ZMYM2: variants seen among roughly 807,000 people sequenced by gnomAD.
ZMYM2 encodes zinc finger MYM-type containing 2, also known as zinc finger MYM-type protein 2.
Under a neutral mutation model 162.8 loss-of-function variants are expected in ZMYM2, and 56 were observed. That is an observed-to-expected ratio of 0.34 (90% CI 0.28 to 0.43). The LOEUF is 0.43. Ranked by LOEUF, ZMYM2 falls within the 20% of genes least tolerant of loss-of-function variation. ZMYM2 has a pLI of 1.00. For synonymous variants in ZMYM2, 510 were observed against 541.6 expected (o/e 0.94, Z 0.81); for missense variants, 1,275 against 1,621.8 (o/e 0.79, Z 3.67).
chr13:20,046,171 G>C (rs1279565946), intron 12 of ZMYM2, among the ~76,000 whole-genome samples: 1 of 151,908 alleles, frequency 6.6e-6, no homozygotes, highest in Non-Finnish European at 1.5e-5. Context: ...AGAATTGCTT[G>C]AGCCCAGGAG....
At chr13:19,892,155 C>T in the ZMYM2 span, among the ~76,000 whole-genome samples, 29 of 151,932 alleles carry the variant, frequency 1.9e-4, no homozygotes, top group East Asian at 3.9e-4. Flanking sequence ...GTTTCCCAGG[C>T]GGGTCTCAAA....
the ZMYM2 span, among the ~76,000 whole-genome samples, chr13:19,905,184 TG>T: frequency 6.6e-6 from 1 of 152,162 alleles, no homozygotes; most frequent in East Asian, 1.9e-4. Context: ...AGTTAATTTT[TG>T]TATTTTTAGT....
At chr13:19,902,592 G>C in the ZMYM2 span, among the ~76,000 whole-genome samples, 4 of 151,906 alleles carry the variant, frequency 2.6e-5, no homozygotes, top group Non-Finnish European at 5.9e-5. Flanking sequence ...CTCCAGCCTG[G>C]GCAACAAGAG....
intron 12 of ZMYM2, among the ~76,000 whole-genome samples, chr13:20,051,177 TTTAG>T (rs1955291251): frequency 6.6e-6 from 1 of 151,694 alleles, no homozygotes; most frequent in Non-Finnish European, 1.5e-5. Context: ...CCAATATATA[TTTAG>T]TTATCCTACT....
chr13:20,066,412 A>G (rs1046456893), intron 19 of ZMYM2, among the ~76,000 whole-genome samples: 1 of 152,162 alleles, frequency 6.6e-6, no homozygotes, highest in African/African-American at 2.4e-5. Context: ...TAAAAAGCTA[A>G]CTACTAGTAG....
At chr13:20,010,671 C>A (rs1357783385) in intron 6 of ZMYM2, among the ~76,000 whole-genome samples, 2 of 151,898 alleles carry the variant, frequency 1.3e-5, no homozygotes, top group Non-Finnish European at 2.9e-5. Context: ...GATGGAGTCT[C>A]CCTCTGTTGC....
chr13:20,076,077 A>T (rs1957486584), intron 21 of ZMYM2, among the ~76,000 whole-genome samples: 1 of 150,124 alleles, frequency 6.7e-6, no homozygotes, highest in East Asian at 1.9e-4. Context: ...GATGAAAGAG[A>T]TAGTTTTGTC....
intron 2 of ZMYM2, among the ~76,000 whole-genome samples, chr13:19,977,926 G>A: frequency 6.7e-6 from 1 of 148,920 alleles, no homozygotes; most frequent in Non-Finnish European, 1.5e-5. Context: ...GCCCAGGCTG[G>A]AGTGCAGTGG....
chr13:19,996,761 C>G (rs536325263), intron 3 of ZMYM2, among the ~76,000 whole-genome samples: 70 of 152,256 alleles, frequency 4.6e-4, no homozygotes, highest in African/African-American at 1.7e-3. Flanking sequence ...TGGTGCACAC[C>G]TGTAGCCTCA....
At chr13:19,911,123 C>T in the ZMYM2 span, among the ~76,000 whole-genome samples, 1 of 138,172 alleles carries the variant, frequency 7.2e-6, no homozygotes, top group Non-Finnish European at 1.5e-5. Context: ...GTGGTGGGAT[C>T]TCGGCTCACT....
chr13:19,885,940 T>TACACAC, the ZMYM2 span, among the ~76,000 whole-genome samples: 6 of 122,842 alleles, frequency 4.9e-5, 1 homozygote, highest in Non-Finnish European at 6.4e-5. Context: ...TATACACATA[T>TACACAC]ATATGTATAT....
upstream of ZMYM2, chr13:19,958,590 A>AG (rs557596595): frequency 3.3e-3 from 505 of 150,820 alleles, 4 homozygotes; most frequent in African/African-American, 0.011. Flanking sequence ...CACCCTACCG[A>AG]GGGGGGGCCC....
chr13:19,934,527 T>G, the ZMYM2 span, among the ~76,000 whole-genome samples: 1 of 152,194 alleles, frequency 6.6e-6, no homozygotes, highest in Non-Finnish European at 1.5e-5. Flanking sequence ...ACAAGCTTGT[T>G]AGCATGTCTG....
At chr13:19,948,653 G>T in the ZMYM2 span, among the ~76,000 whole-genome samples, 3 of 152,060 alleles carry the variant, frequency 2.0e-5, no homozygotes, top group African/African-American at 7.2e-5. Context: ...TAAAACCAAG[G>T]GTAAACTCTA....
the ZMYM2 span, among the ~76,000 whole-genome samples, chr13:19,877,222 A>C: frequency 4.0e-5 from 6 of 151,364 alleles, no homozygotes; most frequent in Non-Finnish European, 5.9e-5. Context: ...AAAAAAAAAA[A>C]AAAAAACAAA....
chr13:20,064,716 A>G (rs533893312), intron 19 of ZMYM2, among the ~76,000 whole-genome samples, 171 bp downstream of exon 19: 2 of 151,224 alleles, frequency 1.3e-5, no homozygotes, highest in East Asian at 3.9e-4. Context: ...GCTATTTATT[A>G]CTATTATTTA....
chr13:19,984,807 C>T (rs1273455853), intron 2 of ZMYM2, among the ~76,000 whole-genome samples: 1 of 152,198 alleles, frequency 6.6e-6, no homozygotes, highest in African/African-American at 2.4e-5. Flanking sequence ...AAGTAGATTG[C>T]TGCAGGGATC....
At chr13:20,013,211 T>C (rs981966415) in intron 6 of ZMYM2, among the ~76,000 whole-genome samples, 1 of 152,240 alleles carries the variant, frequency 6.6e-6, no homozygotes, top group Non-Finnish European at 1.5e-5. Flanking sequence ...TTTATTCTTT[T>C]AATGCTATTT....
the ZMYM2 span, among the ~76,000 whole-genome samples, chr13:19,916,690 C>T: frequency 1.5e-4 from 21 of 144,564 alleles, no homozygotes; most frequent in East Asian, 1.0e-3. Flanking sequence ...GGGCAGGGAA[C>T]ATCACACACC....
Sources: gnomAD v4.1 joint callset for allele counts (sites outside exome capture counted in the v4.1 genomes callset) on GRCh38, gnomAD v4.1.1 for gene constraint, MANE v1.5 for transcripts, NCBI Gene and HGNC (gene_info 2026-07-23, HGNC 2026-07-21) for gene names.